Variants in DDAH1 observed in about 807,000 individuals in gnomAD.
The protein encoded by DDAH1 is N(G),N(G)-dimethylarginine dimethylaminohydrolase 1.
A neutral mutation model predicts 28.8 loss-of-function variants in DDAH1; 19 were observed. That is an observed-to-expected ratio of 0.66 (90% CI 0.46 to 0.97). The LOEUF is 0.97. DDAH1 is among the 50% of genes least tolerant of loss of function. The pLI is 0.00. For missense variants in DDAH1, 326 were observed against 375.9 expected (o/e 0.87, Z 1.10); for synonymous variants, 153 against 154.4 (o/e 0.99, Z 0.07).
chr1:85,565,636 C>T lies in DDAH1; in HGVS notation c.-123+12348G>A, dbSNP rs146125967. 1.1e-3 allele frequency among the ~76,000 whole-genome samples: 173 copies of T among 152,172 alleles called. 3 individuals are homozygous for T. Among genetic ancestry groups the T allele is most frequent in the African/African-American group, 4.0e-3 (166 of 41,524 alleles). ...TTCAAAAGCTAAAAGAATCCATTGC[C>T]AGCACACCTGCTCAAGAAACATTAA... On this transcript the variant is annotated intron_variant, in intron 1 of 6. Coordinates refer to the DDAH1 transcript ENST00000426972.
At chr1:85,530,147 A>T (rs369622969) in intron 1 of DDAH1, among the ~76,000 whole-genome samples, 3,073 of 152,296 alleles carry the variant, frequency 0.02, 92 homozygotes, top group African/African-American at 0.07. Context: ...TTCACTGATA[A>T]AATGTGAGGG....
At chr1:85,468,817 C>T (rs1027356712), upstream of DDAH1, among the ~76,000 whole-genome samples, 3 of 152,098 alleles carry the variant, frequency 2.0e-5, no homozygotes, top group Non-Finnish European at 2.9e-5. Context: ...CGCGCCTAGC[C>T]GGGAACTCTC....
chr1:85,414,540 T>A (rs1464283384), intron 1 of DDAH1, among the ~76,000 whole-genome samples: 1 of 152,200 alleles, frequency 6.6e-6, no homozygotes, highest in Non-Finnish European at 1.5e-5. Flanking sequence ...CAAAGGATGT[T>A]TCCAGAACAT....
intron 1 of DDAH1, among the ~76,000 whole-genome samples, chr1:85,508,188 T>C (rs1010977623): frequency 1.6e-4 from 25 of 152,226 alleles, no homozygotes; most frequent in African/African-American, 5.8e-4. Context: ...CAATAATCTT[T>C]TACTATTAAA....
intron 1 of DDAH1, among the ~76,000 whole-genome samples, chr1:85,453,281 A>G (rs373732690): frequency 3.9e-5 from 6 of 152,310 alleles, no homozygotes. Context: ...CTTTTCTGCA[A>G]ACCACTCAGA....
intron 1 of DDAH1, among the ~76,000 whole-genome samples, chr1:85,560,824 C>A (rs1659116579): frequency 2.0e-5 from 3 of 152,024 alleles, no homozygotes; most frequent in African/African-American, 7.2e-5. Context: ...TAATGAGAAT[C>A]TTTAATGTGT....
At chr1:85,503,198 A>T (rs1656881306) in intron 1 of DDAH1, among the ~76,000 whole-genome samples, 1 of 152,064 alleles carries the variant, frequency 6.6e-6, no homozygotes, top group Non-Finnish European at 1.5e-5. Flanking sequence ...GATGTTCTTT[A>T]TCTTTTTGTT....
At chr1:85,533,688 T>C (rs1569368) in intron 1 of DDAH1, among the ~76,000 whole-genome samples, 1 of 152,196 alleles carries the variant, frequency 6.6e-6, no homozygotes, top group Non-Finnish European at 1.5e-5. Context: ...TAGAGTCCCA[T>C]AGCATGGGCT....
At chr1:85,373,461 TC>T (rs1188777541) in intron 1 of DDAH1, among the ~76,000 whole-genome samples, 1 of 152,086 alleles carries the variant, frequency 6.6e-6, no homozygotes, top group Non-Finnish European at 1.5e-5. Context: ...GGGGGTGGTT[TC>T]CCCCATGCTT....
chr1:85,362,850 T>G (rs1447431512), intron 1 of DDAH1, among the ~76,000 whole-genome samples: 1 of 152,168 alleles, frequency 6.6e-6, no homozygotes, highest in African/African-American at 2.4e-5. Flanking sequence ...CAAAAACAAG[T>G]AAAAGATAAA....
chr1:85,377,214 A>T (rs1650719579), intron 1 of DDAH1, among the ~76,000 whole-genome samples: 1 of 152,202 alleles, frequency 6.6e-6, no homozygotes. Context: ...TTACGGTTTA[A>T]CAAGATTCCT....
chr1:85,532,465 C>T (rs1277461039), intron 1 of DDAH1, among the ~76,000 whole-genome samples: 4 of 152,260 alleles, frequency 2.6e-5, no homozygotes, highest in South Asian at 4.2e-4. Flanking sequence ...ACACAAGTCA[C>T]CTTCAGTTTC....
intron 4 of DDAH1, among the ~76,000 whole-genome samples, chr1:85,344,319 T>C (rs1297346659): frequency 6.6e-6 from 1 of 151,574 alleles, no homozygotes; most frequent in African/African-American, 2.4e-5. Flanking sequence ...TATACACAAA[T>C]GTAATATATG....
upstream of DDAH1, among the ~76,000 whole-genome samples, chr1:85,466,170 C>T (rs555527153): frequency 6.6e-6 from 1 of 152,372 alleles, no homozygotes; most frequent in South Asian, 2.1e-4. Context: ...TCTGCCTTCT[C>T]TCCCCTCCCA....
chr1:85,349,276 C>T (rs530546996), intron 4 of DDAH1, among the ~76,000 whole-genome samples: 24 of 152,234 alleles, frequency 1.6e-4, no homozygotes, highest in African/African-American at 5.1e-4. Context: ...TCAAAGATAC[C>T]GTTTGGGAAG....
chr1:85,400,133 A>C (rs1651998091), intron 1 of DDAH1, among the ~76,000 whole-genome samples: 1 of 151,812 alleles, frequency 6.6e-6, no homozygotes, highest in East Asian at 1.9e-4. Flanking sequence ...GAATGCCTGA[A>C]GGACACATAG....
chr1:85,374,284 T>G (rs1650538634), intron 1 of DDAH1, among the ~76,000 whole-genome samples: 1 of 152,086 alleles, frequency 6.6e-6, no homozygotes, highest in African/African-American at 2.4e-5. Flanking sequence ...GACCAACTTT[T>G]TCTCCTACAT....
chr1:85,409,858 C>T (rs1331077346), intron 1 of DDAH1, among the ~76,000 whole-genome samples: 1 of 152,154 alleles, frequency 6.6e-6, no homozygotes, highest in Non-Finnish European at 1.5e-5. Context: ...CTTAAGTTAT[C>T]AGTCATAACT....
Position 85,465,100 on chromosome 1 carries a change from C to T in DDAH1, c.-55G>A. The T allele has an allele frequency of 8.4e-7, 1 of 1,193,036 alleles. No individual in the cohort carries two copies. The highest frequency in any genetic ancestry group is 1.0e-6 in the Non-Finnish European group (1 of 964,080). The allele number at this position is 1,193,036 out of a possible 1,614,324, so 73.9% of individuals were successfully genotyped here. A position where few individuals can be genotyped will look rare whatever the true frequency, so the allele number is the denominator to read the frequency against. ...CGGCGGAGGCGGCCGGGTCCTGCCG[C>T]GGGCAGCGCGCGCTGAGCCTGCGAG... is the stretch of plus-strand genomic sequence containing the variant. On this transcript the variant is annotated 5_prime_UTR_variant, in exon 1 of 6. Coordinates refer to ENST00000284031, the MANE Select transcript of DDAH1 (RefSeq NM_012137.4).
Sources: allele counts gnomAD v4.1 joint callset (sites outside exome capture counted in the v4.1 genomes callset), GRCh38; gene constraint gnomAD v4.1.1; transcripts MANE v1.5; gene names NCBI Gene and HGNC (gene_info 2026-07-23, HGNC 2026-07-21).